The following NLRP2 variants were observed in gnomAD, a reference collection of about 807,000 sequenced individuals.
NLRP2 encodes the protein NLR family pyrin domain containing 2.
Under a neutral mutation model 97.2 loss-of-function variants are expected in NLRP2, and 107 were observed. The observed-to-expected ratio is 1.10, with a 90% CI of 0.94 to 1.29. The LOEUF (loss-of-function observed/expected upper bound fraction) is 1.29, where lower values mean the gene tolerates loss of function less well. NLRP2 is among the 50% of genes most tolerant of loss of function. The pLI is 0.00. For synonymous variants in NLRP2, 663 were observed against 551.5 expected (o/e 1.20, Z -2.83); for missense variants, 1,495 against 1,330.3 (o/e 1.12, Z -1.93).
chr19:54,985,704 A>G (rs1394212808), intron 7 of NLRP2, among the ~76,000 whole-genome samples: 4 of 140,918 alleles, frequency 2.8e-5, no homozygotes, highest in Non-Finnish European at 4.4e-5. Context: ...AAAAAGAAAA[A>G]GAAAAAAAGG....
chr19:54,968,854 A>G (rs981091718), intron 1 of NLRP2, among the ~76,000 whole-genome samples: 1 of 152,022 alleles, frequency 6.6e-6, no homozygotes, highest in South Asian at 2.1e-4. Flanking sequence ...GGCACCTGCC[A>G]CCACGCCCGG....
chr19:54,977,982 TA>T (rs1424928667), intron 4 of NLRP2, among the ~76,000 whole-genome samples, 159 bp downstream of exon 4: 3 of 152,226 alleles, frequency 2.0e-5, no homozygotes, highest in Admixed American at 1.3e-4. Flanking sequence ...CTCCCTTCCG[TA>T]AGAATAGAGG....
intron 3 of NLRP2, chr19:54,976,773 C>A: frequency 2.4e-6 from 1 of 419,604 alleles, no homozygotes; most frequent in Non-Finnish European, 4.6e-6. Flanking sequence ...CAGGGTTAAG[C>A]TGCAGATATT....
chr19:54,969,426 C>G (rs548531794), intron 1 of NLRP2, among the ~76,000 whole-genome samples: 68 of 140,480 alleles, frequency 4.8e-4, no homozygotes, highest in Non-Finnish European at 7.8e-4. Context: ...TGTAGTGAGC[C>G]GAGATTGCAG....
At position 54,990,166 on chromosome 19, in the gene NLRP2, C is replaced by T. The variant is rs777580868; in HGVS notation, c.2511C>T (p.His837=). 2 of 1,614,116 alleles carry T rather than the reference C, an allele frequency of 1.2e-6. No homozygotes were observed. Among genetic ancestry groups the T allele is most frequent in the South Asian group, 1.1e-5 (1 of 91,078 alleles). The part of the protein sequence containing the change: ...GAKLLYTTLR[H]PKCFLQRLSL... ...AGTTGCTGTACACAACTTTGAGACA[C>T]CCCAAGTGCTTTCTGCAGAGGTTGT... The change falls in exon 9 of 13, where the codon CAC becomes CAT. Residue 837 remains histidine (H), a synonymous_variant. Coordinates refer to ENST00000448584, the MANE Select transcript of NLRP2 (RefSeq NM_017852.5).
chr19:54,995,594 TAAAA>T (rs903132173), intron 11 of NLRP2, among the ~76,000 whole-genome samples: 1 of 150,880 alleles, frequency 6.6e-6, no homozygotes, highest in African/African-American at 2.4e-5. Context: ...CAGGAAAAAA[TAAAA>T]AAGAGGTAGG....
At chr19:55,000,504 TG>T (rs1260330494) in intron 12 of NLRP2, among the ~76,000 whole-genome samples, 5 of 150,192 alleles carry the variant, frequency 3.3e-5, no homozygotes, top group Non-Finnish European at 7.4e-5. Flanking sequence ...GGTCTTGATC[TG>T]CTGACCTCGT....
chr19:54,974,232 T>C, intron 2 of NLRP2: 1 of 581,286 alleles, frequency 1.7e-6, no homozygotes, highest in East Asian at 3.1e-5. Context: ...TGTATGCCTA[T>C]AGTCCCAGCT....
At chr19:54,993,862 G>A (rs1454235389) in intron 10 of NLRP2, 5 of 299,350 alleles carry the variant, frequency 1.7e-5, no homozygotes, top group Admixed American at 4.8e-5. Context: ...ACTTCTGTTG[G>A]CCACCTGCAT....
intron 6 of NLRP2, 109 bp downstream of exon 6, chr19:54,983,837 C>G: frequency 1.4e-6 from 2 of 1,444,498 alleles, no homozygotes; most frequent in Non-Finnish European, 9.6e-7. Context: ...CAGGAATTCC[C>G]TCTTGTTGGA....
chr19:54,966,360 A>G (rs2070401393), upstream of NLRP2: 1 of 151,476 alleles, frequency 6.6e-6, no homozygotes, highest in East Asian at 2.0e-4. Context: ...AGCAACGATT[A>G]CGCCCCGAGG....
At chr19:54,972,455 AC>A (rs1282983964) in intron 2 of NLRP2, among the ~76,000 whole-genome samples, 1 of 151,930 alleles carries the variant, frequency 6.6e-6, no homozygotes, top group East Asian at 1.9e-4. Flanking sequence ...TGCTGGAATT[AC>A]AGGTGTGAGC....
chr19:54,981,817 T>C (rs766948321), intron 5 of NLRP2, 135 bp downstream of exon 5: 2 of 736,376 alleles, frequency 2.7e-6, no homozygotes, highest in Non-Finnish European at 4.9e-6. Flanking sequence ...TTGCTCTTGT[T>C]GCCCAGGCTG....
chr19:54,970,399 C>T, intron 2 of NLRP2, 104 bp downstream of exon 2: 2 of 1,409,616 alleles, frequency 1.4e-6, no homozygotes, highest in East Asian at 2.3e-5. Flanking sequence ...GCCTGTCGTC[C>T]CAGCCCTTTG....
intron 7 of NLRP2, among the ~76,000 whole-genome samples, chr19:54,985,617 G>A (rs1217832286): frequency 1.4e-5 from 2 of 145,692 alleles, no homozygotes; most frequent in Non-Finnish European, 3.0e-5. Context: ...GGCGGAGGTT[G>A]CAGTGAACCA....
chr19:54,993,739 C>CACA (rs34890978), intron 10 of NLRP2: 1 of 237,210 alleles, frequency 4.2e-6, no homozygotes, highest in Non-Finnish European at 8.4e-6. Context: ...CACACACACA[C>CACA]CCCCCTGTAA....
chr19:54,981,509 G>GCA, intron 4 of NLRP2, 108 bp from the exon 5 acceptor site: 12 of 386,504 alleles, frequency 3.1e-5, no homozygotes, highest in Non-Finnish European at 6.4e-5. Flanking sequence ...CTGATCCCGT[G>GCA]CCCCCCCTCC....
chr19:54,990,580 C>G lies in NLRP2; in HGVS notation c.2616C>G (p.His872Gln), dbSNP rs371936185. 22 of 1,614,044 alleles carry G rather than the reference C, an allele frequency of 1.4e-5. No homozygotes were observed. Among genetic ancestry groups the G allele is most frequent in the Non-Finnish European group, 1.7e-5 (20 of 1,180,034 alleles). The change falls in exon 10 of 13, where the codon CAC (histidine) becomes CAG (glutamine). Residue 872 changes from histidine to glutamine, a missense_variant. His to Gln is a conservative substitution (Grantham distance 24). Transcript: ENST00000448584. Reference sequence around the variant, plus strand: ...TGGTTGTCAGCCGGGAGCTGACACACCTGTGCTTGGCCAAGAACCCCATTG... The same window carrying G: ...TGGTTGTCAGCCGGGAGCTGACACAGCTGTGCTTGGCCAAGAACCCCATTG... ...AVLVVSRELT[H>Q]LCLAKNPIGN... is the part of the protein sequence containing the mutation.
chr19:54,992,574 G>GTTTTTTTTTTTTTTTTTTT (rs71181722), intron 10 of NLRP2, among the ~76,000 whole-genome samples: 3 of 94,974 alleles, frequency 3.2e-5, no homozygotes, highest in Non-Finnish European at 3.9e-5. Context: ...TTTTTTTTTG[G>GTTTTTTTTTTTTTTTTTTT]TTTTTTTTTT....
Sources: allele counts gnomAD v4.1 joint callset (sites outside exome capture counted in the v4.1 genomes callset), GRCh38; gene constraint gnomAD v4.1.1; transcripts MANE v1.5; gene names NCBI Gene and HGNC (gene_info 2026-07-23, HGNC 2026-07-21).